The following MCM3AP variants were observed in gnomAD, a reference collection of about 807,000 sequenced individuals.
MCM3AP encodes germinal-center associated nuclear protein.
Under a neutral mutation model 184.1 loss-of-function variants are expected in MCM3AP, and 126 were observed. The ratio of observed to expected loss-of-function variants is 0.68; its 90% CI spans 0.59 to 0.79. The LOEUF (loss-of-function observed/expected upper bound fraction) is 0.79, where lower values mean the gene tolerates loss of function less well. Among genes scored for constraint, MCM3AP ranks in the 30% least tolerant of loss-of-function variants. The pLI, the probability that MCM3AP is intolerant of heterozygous loss-of-function variation, is 0.00. For synonymous variants in MCM3AP, 1,002 were observed against 979.3 expected (o/e 1.02, Z -0.43); for missense variants, 2,496 against 2,479.2 (o/e 1.01, Z -0.14).
chr21:46,242,270 T>A (rs1192592844), intron 25 of MCM3AP: 2 of 152,640 alleles, frequency 1.3e-5, no homozygotes, highest in Non-Finnish European at 2.9e-5. Context: ...AGAAGCATGT[T>A]TTTTTTCTAT....
At chr21:46,261,144 T>C (rs2081036107) in intron 14 of MCM3AP, 136 bp downstream of exon 14, 10 of 1,153,200 alleles carry the variant, frequency 8.7e-6, no homozygotes, top group East Asian at 2.3e-5. Flanking sequence ...GGCTGAAGCA[T>C]AGGAGGGCAT....
chr21:46,260,237 G>A (rs186109212), intron 15 of MCM3AP, among the ~76,000 whole-genome samples: 7 of 152,266 alleles, frequency 4.6e-5, no homozygotes, highest in Admixed American at 1.3e-4. Context: ...AGGGGCCCTC[G>A]TAACAGTTAA....
At chr21:46,239,078 T>A (rs150148960) in intron 26 of MCM3AP, among the ~76,000 whole-genome samples, 2 of 152,126 alleles carry the variant, frequency 1.3e-5, no homozygotes, top group Non-Finnish European at 2.9e-5. Flanking sequence ...CTGGGGAGAA[T>A]GGAGGGGCTG....
chr21:46,262,783 C>T, intron 13 of MCM3AP, among the ~76,000 whole-genome samples: 1 of 142,262 alleles, frequency 7.0e-6, no homozygotes, highest in South Asian at 2.3e-4. Context: ...CTGGCTAACA[C>T]AGTGAAACCC....
Position 46,277,712 on chromosome 21 carries a change from G to T in MCM3AP, c.1673C>A (p.Pro558Gln), listed in dbSNP as rs2081273724. 6.3e-7 allele frequency: 1 copy of T among 1,579,914 alleles called. No homozygotes were observed. Among genetic ancestry groups the T allele is most frequent in the Non-Finnish European group, 8.6e-7 (1 of 1,162,846 alleles). ...CTTTAGAAGACTTGGCTTCTTCACTGGAGAGCTATAAAGTAAACACCACAC... is the reference window on the plus strand; with the variant it reads ...CTTTAGAAGACTTGGCTTCTTCACTTGAGAGCTATAAAGTAAACACCACAC... ...GASSLLNKSSPVKKPSLLKAH... is the reference protein window; with the variant it reads ...GASSLLNKSSQVKKPSLLKAH... The change falls in exon 5 of 28, where the codon CCA becomes CAA. Residue 558 changes from proline (P) to glutamine (Q), a missense_variant. By Grantham distance (76) the Pro-to-Gln change is moderately conservative (BLOSUM62 -1). Around this residue, in one of 5 missense-constraint regions of MCM3AP, gnomAD observed 800 missense variants for 717.1 expected, o/e 1.12. Transcript: ENST00000291688.
intron 5 of MCM3AP, among the ~76,000 whole-genome samples, chr21:46,276,759 A>C (rs2081261520): frequency 7.8e-6 from 1 of 127,540 alleles, no homozygotes; most frequent in South Asian, 2.4e-4. Flanking sequence ...TTTTTTTGAG[A>C]CAGAATCTCA....
chr21:46,254,123 C>T (rs2080912587), intron 19 of MCM3AP: 1 of 472,750 alleles, frequency 2.1e-6, no homozygotes, highest in African/African-American at 2.0e-5. Flanking sequence ...AATTAAACCT[C>T]TTTATAAAGT....
intron 5 of MCM3AP, 52 bp downstream of exon 5, chr21:46,277,475 C>G (rs1378646549): frequency 1.0e-5 from 15 of 1,429,346 alleles, no homozygotes; most frequent in Middle Eastern, 2.7e-4. Flanking sequence ...TGATGGCACC[C>G]AAGATGACGA....
In MCM3AP at chr21:46,285,315, A is replaced by T. The variant is rs755094404; in HGVS notation, c.-29T>A. 18 of 1,510,200 alleles carry T rather than the reference A, an allele frequency of 1.2e-5. No individual in the cohort carries two copies. In the East Asian group the frequency reaches 3.8e-4, roughly 32 times the overall value. The allele number at this position is 1,510,200 out of a possible 1,614,324, so 93.5% of individuals were successfully genotyped here. A position where few individuals can be genotyped will look rare whatever the true frequency, so the allele number is the denominator to read the frequency against. On this transcript the variant is annotated 5_prime_UTR_variant, in exon 1 of 28. Coordinates refer to ENST00000291688, the MANE Select transcript of MCM3AP (RefSeq NM_003906.5). Reference sequence around the variant, plus strand: ...CTGCTCCAATTATTAGAAGGTAATTAAGTATTATGTGTACAAAATTAATTG... The same window carrying T: ...CTGCTCCAATTATTAGAAGGTAATTTAGTATTATGTGTACAAAATTAATTG...
chr21:46,266,729 G>A, intron 10 of MCM3AP: 1 of 503,438 alleles, frequency 2.0e-6, no homozygotes, highest in Non-Finnish European at 3.5e-6. Context: ...TTTATCTTTA[G>A]GTTTGTCAGC....
At chr21:46,269,969 C>T (rs1052397112) in intron 9 of MCM3AP, among the ~76,000 whole-genome samples, 3 of 152,298 alleles carry the variant, frequency 2.0e-5, no homozygotes, top group Non-Finnish European at 2.9e-5. Flanking sequence ...CCCTAGCACA[C>T]GGCAAAGCAC....
chr21:46,242,544 G>T, intron 25 of MCM3AP: 1 of 271,952 alleles, frequency 3.7e-6, no homozygotes, highest in Non-Finnish European at 6.8e-6. Context: ...AACCAAATTT[G>T]GAAGTGAGAT....
Position 46,246,460 on chromosome 21 carries a change from A to G in MCM3AP, c.4550-56T>C. ...GCATTCTGCTGTCAGCACACCTGCTAACATATCTCACTGTGCTGACCCCAC... is the reference window on the plus strand; with the variant it reads ...GCATTCTGCTGTCAGCACACCTGCTGACATATCTCACTGTGCTGACCCCAC... On this transcript the variant is annotated intron_variant, in intron 21 of 27. Transcript: ENST00000291688. The G allele has an allele frequency of 3.0e-6, 4 of 1,344,334 alleles. No homozygotes were observed. The South Asian group carries it at 4.7e-5, about 16-fold the overall frequency. 83.3% of individuals were successfully genotyped at this position (1,344,334 alleles called of 1,614,324 possible).
At chr21:46,260,407 T>C (rs2081026806) in intron 15 of MCM3AP, among the ~76,000 whole-genome samples, 1 of 152,194 alleles carries the variant, frequency 6.6e-6, no homozygotes, top group Non-Finnish European at 1.5e-5. Context: ...CACCTCAGTC[T>C]CTTGAGTTGC....
At chr21:46,242,672 G>A (rs1218378956) in intron 25 of MCM3AP, 130 bp downstream of exon 25, 1 of 876,780 alleles carries the variant, frequency 1.1e-6, no homozygotes, top group African/African-American at 1.7e-5. Flanking sequence ...GGAATGATCT[G>A]TTCCTTGAGG....
chr21:46,243,427 C>G (rs148101810), intron 24 of MCM3AP, 38 bp downstream of exon 24: 1 of 1,552,446 alleles, frequency 6.4e-7, no homozygotes, highest in East Asian at 2.3e-5. Flanking sequence ...AGGAAAGTCT[C>G]GTGAGGAGCT....
chr21:46,246,960 A>C, intron 20 of MCM3AP, 74 bp from the exon 21 acceptor site: 1 of 1,509,282 alleles, frequency 6.6e-7, no homozygotes, highest in South Asian at 1.2e-5. Flanking sequence ...GCCCCAGAGC[A>C]AGTGCAGCCA....
Position 46,264,177 on chromosome 21 carries a change from A to C in MCM3AP, c.3275T>G (p.Leu1092Arg). ...QVVDELIQEA[L>R]QRDCEEVGSA... Reference sequence around the variant, plus strand: ...GCCAACTTCCTCACAGTCCCTCTGCAGGGCCTCCTGGATGAGCTCGTCCAC... The same window carrying C: ...GCCAACTTCCTCACAGTCCCTCTGCCGGGCCTCCTGGATGAGCTCGTCCAC... Residue 1092 changes from leucine (L) to arginine (R), a missense_variant, in exon 13 of 28, where the codon CTG (leucine) becomes CGG (arginine). By Grantham distance (102) the Leu-to-Arg change is moderately radical. Around this residue, in one of 5 missense-constraint regions of MCM3AP, gnomAD observed 1,323 missense variants for 1,273.4 expected, o/e 1.04. Transcript: ENST00000291688. The C allele has an allele frequency of 6.2e-7, 1 of 1,613,856 alleles. No homozygotes were observed. The highest frequency in any genetic ancestry group is 8.5e-7 in the Non-Finnish European group (1 of 1,179,924).
chr21:46,245,274 C>G, intron 22 of MCM3AP, 77 bp from the exon 23 acceptor site: 1 of 1,409,504 alleles, frequency 7.1e-7, no homozygotes, highest in Non-Finnish European at 9.6e-7. Flanking sequence ...GCTTGATCCC[C>G]CAAGGTTGCC....
Sources: gnomAD v4.1 joint callset for allele counts (sites outside exome capture counted in the v4.1 genomes callset) on GRCh38, gnomAD v4.1.1 for gene constraint, gnomAD v4.1.1 regional missense constraint, MANE v1.5 for transcripts, NCBI Gene and HGNC (gene_info 2026-07-23, HGNC 2026-07-21) for gene names.